CEP89: variants seen among roughly 807,000 people sequenced by gnomAD.
CEP89 encodes centrosomal protein of 89 kDa.
Under a neutral mutation model 97.6 loss-of-function variants are expected in CEP89, and 95 were observed. The ratio of observed to expected loss-of-function variants is 0.97; its 90% CI spans 0.82 to 1.15. The LOEUF is 1.15. CEP89 is among the 50% of genes most tolerant of loss of function. The pLI, the probability that CEP89 is intolerant of heterozygous loss-of-function variation, is 0.00. For synonymous variants in CEP89, 354 were observed against 349.1 expected (o/e 1.01, Z -0.16); for missense variants, 869 against 947.7 (o/e 0.92, Z 1.09).
intron 17 of CEP89, among the ~76,000 whole-genome samples, chr19:32,884,115 C>T (rs117462728): frequency 0.014 from 2,059 of 152,310 alleles, 27 homozygotes; most frequent in Non-Finnish European, 0.023. Flanking sequence ...GCCTCCTCTA[C>T]AGGGACCCAC....
intron 5 of CEP89, among the ~76,000 whole-genome samples, chr19:32,944,275 C>A (rs951066138): frequency 1.4e-5 from 2 of 139,964 alleles, no homozygotes; most frequent in Non-Finnish European, 3.0e-5. Flanking sequence ...TGAATGAAGT[C>A]AAATGGTTAC....
chr19:32,904,347 G>A (rs1969845449), intron 14 of CEP89, among the ~76,000 whole-genome samples: 2 of 152,066 alleles, frequency 1.3e-5, no homozygotes, highest in South Asian at 4.1e-4. Context: ...ACTATCAACA[G>A]CCAGCATCTT....
intron 17 of CEP89, 38 bp from the exon 18 acceptor site, chr19:32,882,051 G>T (rs1255036617): frequency 5.9e-6 from 9 of 1,534,516 alleles, no homozygotes; most frequent in Non-Finnish European, 7.0e-6. Context: ...AGGGGACGCT[G>T]CCAGGCCAGG....
At chr19:32,922,096 G>A (rs3991789) in intron 12 of CEP89, among the ~76,000 whole-genome samples, 7,731 of 152,156 alleles carry the variant, frequency 0.051, 244 homozygotes, top group South Asian at 0.14. Flanking sequence ...TGCTAGATGC[G>A]GGGCCACACA....
chr19:32,899,858 A>G lies in CEP89; in HGVS notation c.1874T>C (p.Leu625Ser). 1.9e-6 allele frequency: 3 copies of G among 1,611,846 alleles called. No individual in the cohort carries two copies. Among genetic ancestry groups the G allele is most frequent in the Non-Finnish European group, 2.5e-6 (3 of 1,178,970 alleles). Reference sequence around the variant, plus strand: ...TGATGTAACCTTCAGGAAACTTACCAAACACATAAGACTGTCACGTTCCTG... The same window carrying G: ...TGATGTAACCTTCAGGAAACTTACCGAACACATAAGACTGTCACGTTCCTG... ...ITQERDSLMC[L>S]AKCLESEKDG... Residue 625 changes from leucine to serine, a missense_variant and splice_region_variant, in exon 16 of 19, where the codon TTG becomes TCG. Coordinates refer to ENST00000305768, the MANE Select transcript of CEP89 (RefSeq NM_032816.5).
At chr19:32,912,322 G>A (rs1265234997) in intron 14 of CEP89, among the ~76,000 whole-genome samples, 1 of 152,186 alleles carries the variant, frequency 6.6e-6, no homozygotes. Context: ...ACGTTGCTGT[G>A]AAGTATTTTG....
chr19:32,917,350 T>G (rs150395134), intron 13 of CEP89, among the ~76,000 whole-genome samples: 6 of 152,290 alleles, frequency 3.9e-5, no homozygotes, highest in African/African-American at 1.4e-4. Context: ...CTCTGGGAGA[T>G]GCTCTCATCT....
At chr19:32,958,125 G>A (rs1056347341) in intron 3 of CEP89, among the ~76,000 whole-genome samples, 5 of 150,204 alleles carry the variant, frequency 3.3e-5, no homozygotes, top group African/African-American at 1.2e-4. Context: ...ATTTTAGAAC[G>A]ATTTACTCGT....
At chr19:32,969,632 A>T (rs1971357315) in intron 1 of CEP89, 1 of 152,370 alleles carries the variant, frequency 6.6e-6, no homozygotes, top group Non-Finnish European at 1.5e-5. Context: ...TGCAGGCTAC[A>T]GAGATGCCCT....
intron 4 of CEP89, among the ~76,000 whole-genome samples, chr19:32,951,970 G>A (rs890924393): frequency 2.6e-5 from 4 of 152,154 alleles, no homozygotes; most frequent in South Asian, 4.1e-4. Context: ...GCAAGTGTGC[G>A]GGTGAGGAGC....
At chr19:32,918,883 T>C (rs10410117) in intron 12 of CEP89, among the ~76,000 whole-genome samples, 25,210 of 126,118 alleles carry the variant, frequency 0.2, 3,218 homozygotes, top group African/African-American at 0.25. Flanking sequence ...TTTTTCTTTT[T>C]CTTTTTTTTT....
chr19:32,962,890 C>T (rs1306808727), intron 2 of CEP89, among the ~76,000 whole-genome samples: 4 of 152,128 alleles, frequency 2.6e-5, no homozygotes, highest in Non-Finnish European at 5.9e-5. Flanking sequence ...GATCCTGAGT[C>T]CAACGGCCTT....
Position 32,881,972 on chromosome 19 carries a change from A to T in CEP89, c.2007T>A (p.Ser669Arg), listed in dbSNP as rs934165015. 6.9e-6 allele frequency: 11 copies of T among 1,588,074 alleles called. No individual in the cohort carries two copies. Among genetic ancestry groups the T allele is most frequent in the Non-Finnish European group, 9.4e-6 (11 of 1,167,506 alleles). The part of the protein sequence containing the change: ...KQAALKLGDI[S>R]HRLLEQQEDF... Reference sequence around the variant, plus strand: ...CCTCCTGCTGCTCCAGCAGACGGTGACTGATGTCCCCCAGCTTCAGTGCTG... The same window carrying T: ...CCTCCTGCTGCTCCAGCAGACGGTGTCTGATGTCCCCCAGCTTCAGTGCTG... Residue 669 changes from serine to arginine, a missense_variant, in exon 18 of 19, where the codon AGT becomes AGA. Coordinates refer to ENST00000305768, the MANE Select transcript of CEP89 (RefSeq NM_032816.5).
chr19:32,943,396 A>G (rs1014280836), intron 5 of CEP89, among the ~76,000 whole-genome samples: 6 of 152,210 alleles, frequency 3.9e-5, no homozygotes, highest in Admixed American at 1.3e-4. Flanking sequence ...ACCCATGACC[A>G]TAATCCCTCG....
In CEP89 at chr19:32,926,211, G is replaced by A. The variant is rs148166691; in HGVS notation, c.1143C>T (p.Asp381=). The A allele has an allele frequency of 8.0e-5, 129 of 1,613,206 alleles. No homozygotes were observed. The Middle Eastern group carries it at 9.9e-4, about 12-fold the overall frequency. Reference sequence around the variant, plus strand: ...CTACCTTGAGGGTGGCATTGAGCTCGTCCTTCTCTTTCATCATATCTTCAT... The same window carrying A: ...CTACCTTGAGGGTGGCATTGAGCTCATCCTTCTCTTTCATCATATCTTCAT... ...LAYEDMMKEK[D]ELNATLKEEM... The change falls in exon 11 of 19, where the codon GAC becomes GAT. Residue 381 remains aspartate (D), a synonymous_variant. Transcript: ENST00000305768.
intron 11 of CEP89, among the ~76,000 whole-genome samples, chr19:32,924,771 A>G: frequency 6.6e-6 from 1 of 152,226 alleles, no homozygotes; most frequent in East Asian, 1.9e-4. Context: ...TTATTTATTT[A>G]TAAATAAAAT....
At chr19:32,951,973 T>TA (rs1213185580) in intron 4 of CEP89, among the ~76,000 whole-genome samples, 6 of 151,914 alleles carry the variant, frequency 3.9e-5, no homozygotes, top group African/African-American at 1.5e-4. Flanking sequence ...AGTGTGCGGG[T>TA]GAGGAGCAGT....
chr19:32,946,246 TGTGA>T (rs1970795204), intron 5 of CEP89, among the ~76,000 whole-genome samples: 1 of 152,072 alleles, frequency 6.6e-6, no homozygotes, highest in Non-Finnish European at 1.5e-5. Context: ...GGACTACAGG[TGTGA>T]GCCACCATGC....
chr19:32,942,235 G>A (rs1330426320), intron 5 of CEP89, among the ~76,000 whole-genome samples: 1 of 152,126 alleles, frequency 6.6e-6, no homozygotes, highest in Non-Finnish European at 1.5e-5. Context: ...TACCAAATTA[G>A]TCGGGTGCAG....
Sources: allele counts gnomAD v4.1 joint callset (sites outside exome capture counted in the v4.1 genomes callset), GRCh38; gene constraint gnomAD v4.1.1; transcripts MANE v1.5; gene names NCBI Gene and HGNC (gene_info 2026-07-23, HGNC 2026-07-21).